The following EIF3B variants were observed in gnomAD, a reference collection of about 807,000 sequenced individuals.
EIF3B encodes the protein eukaryotic translation initiation factor 3 subunit 9.
Under a neutral mutation model 104.6 loss-of-function variants are expected in EIF3B, and 10 were observed. The ratio of observed to expected loss-of-function variants is 0.10; its 90% confidence interval spans 0.06 to 0.16. EIF3B has a LOEUF of 0.16. EIF3B is among the 10% of genes least tolerant of loss of function. The pLI, the probability that EIF3B is intolerant of heterozygous loss-of-function variation, is 1.00. For missense variants in EIF3B, 1,014 were observed against 1,087.9 expected (o/e 0.93, Z 0.96); for synonymous variants, 542 against 417.2 (o/e 1.30, Z -3.65).
At chr7:2,371,904 C>A in intron 11 of EIF3B, 55 bp downstream of exon 11, 1 of 1,434,838 alleles carries the variant, frequency 7.0e-7, no homozygotes, top group Non-Finnish European at 9.8e-7. Flanking sequence ...CTGTTTTACT[C>A]TTGGCTTTAA....
At chr7:2,370,121 G>T (rs534262604) in intron 10 of EIF3B, among the ~76,000 whole-genome samples, 4 of 152,114 alleles carry the variant, frequency 2.6e-5, no homozygotes, top group Non-Finnish European at 5.9e-5. Context: ...GTATACTCAA[G>T]ATTTATTTTT....
At chr7:2,371,980 A>T in intron 11 of EIF3B, 131 bp downstream of exon 11, 1 of 722,570 alleles carries the variant, frequency 1.4e-6, no homozygotes, top group Non-Finnish European at 2.5e-6. Flanking sequence ...ATGAATAGTC[A>T]TCTCCAGGTC....
intron 14 of EIF3B, among the ~76,000 whole-genome samples, chr7:2,375,812 C>T (rs1036526150): frequency 3.3e-5 from 5 of 152,278 alleles, no homozygotes; most frequent in African/African-American, 4.8e-5. Flanking sequence ...AGAGAGGAGT[C>T]GTTTCCTTTG....
At chr7:2,378,465 ATG>A (rs1780804127) in intron 15 of EIF3B, 3 of 215,164 alleles carry the variant, frequency 1.4e-5, no homozygotes, top group Non-Finnish European at 2.6e-5. Context: ...TGTTGTGTGA[ATG>A]ACCCTGGGTG....
rs762247415 is a variant in EIF3B at position 2,379,187 on chromosome 7, A to G, written c.2286A>G (p.Lys762=). Residue 762 remains lysine (K), a synonymous_variant, in exon 17 of 19, where the codon AAA becomes AAG. Coordinates refer to ENST00000360876, the MANE Select transcript of EIF3B (RefSeq NM_001037283.2). The stretch of plus-strand genomic sequence containing the variant: ...TGGAAGATTTCCGGAAGTACCGGAA[A>G]ATGGCCCAGGAGCTCTATATGGAGC... ...TMMEDFRKYR[K]MAQELYMEQK... is the part of the protein sequence containing the mutation. 1 of 1,613,970 alleles carries G rather than the reference A, an allele frequency of 6.2e-7. No homozygotes were observed. Among genetic ancestry groups the G allele is most frequent in the Non-Finnish European group, 8.5e-7 (1 of 1,179,966 alleles).
At chr7:2,377,214 G>A in intron 15 of EIF3B, 139 bp downstream of exon 15, 2 of 1,187,256 alleles carry the variant, frequency 1.7e-6, no homozygotes, top group Admixed American at 2.8e-5. Flanking sequence ...TTGAAGAGAC[G>A]CAGGAACAGT....
At chr7:2,362,524 G>A (rs1779785829) in intron 2 of EIF3B, 121 bp from the exon 3 acceptor site, 1 of 1,274,336 alleles carries the variant, frequency 7.8e-7, no homozygotes, top group African/African-American at 1.5e-5. Context: ...GCTCGAGGCA[G>A]GAAGAGCAGC....
rs761416819 is a variant in EIF3B, at chr7:2,380,437, A to G, written c.*248A>G. On this transcript the variant is annotated 3_prime_UTR_variant, in exon 19 of 19. Coordinates refer to ENST00000360876, the MANE Select transcript of EIF3B (RefSeq NM_001037283.2). ...CAGCCCCTGGTGTCTGCAGTGGGGGATTTAAGGCACCCGCTTCCACTTCTT... is the reference window on the plus strand; with the variant it reads ...CAGCCCCTGGTGTCTGCAGTGGGGGGTTTAAGGCACCCGCTTCCACTTCTT... 3.9e-6 allele frequency: 2 copies of G among 514,514 alleles called. No individual in the cohort carries two copies. Among genetic ancestry groups the G allele is most frequent in the Admixed American group, 2.0e-5 (1 of 50,370 alleles). The allele number at this position is 514,514 out of a possible 1,614,324, so 31.9% of individuals were successfully genotyped here. A position where few individuals can be genotyped will look rare whatever the true frequency, so the allele number is the denominator to read the frequency against.
In EIF3B at chr7:2,362,998, T is replaced by C. The variant is rs148466865; in HGVS notation, c.813-72T>C. 3.8e-3 allele frequency: 6,042 copies of C among 1,571,128 alleles called. 17 individuals are homozygous for C. The highest frequency in any genetic ancestry group is 5.0e-3 in the Non-Finnish European group (5,695 of 1,142,744). ...GGCAGGCAGGAGCACAGCAGGGCCA[T>C]GCTGGAGCCCCCACGAGTTGCTCTT... On this transcript the variant is annotated intron_variant, in intron 3 of 18. Transcript: ENST00000360876.
Position 2,379,483 on chromosome 7 carries a change from G to T in EIF3B, c.2431G>T (p.Gly811Trp). 3 of 1,574,706 alleles carry T rather than the reference G, an allele frequency of 1.9e-6. No individual in the cohort carries two copies. The South Asian group carries it at 3.5e-5, about 18-fold the overall frequency. The change falls in exon 18 of 19, where the codon GGG (glycine) becomes TGG (tryptophan). Residue 811 changes from glycine to tryptophan, a missense_variant. Physicochemically the swap from Gly to Trp is radical, Grantham distance 184 (BLOSUM62 -2). Around this residue, in one of 4 missense-constraint regions of EIF3B, gnomAD observed 266 missense variants for 324.0 expected, o/e 0.82. Transcript: ENST00000360876. ...FFVTEEIIPL[G>W]NQE ...CGTCACTGAAGAAATCATTCCCCTC[G>T]GGAATCAGGAGTGACCTGGAGCACT...
chr7:2,379,945 T>C (rs1780906815), intron 18 of EIF3B: 2 of 253,692 alleles, frequency 7.9e-6, no homozygotes, highest in Non-Finnish European at 1.6e-5. Context: ...GTGCGGGAGC[T>C]CCTGAGTCCT....
intron 4 of EIF3B, 87 bp downstream of exon 4, chr7:2,363,214 A>G: frequency 7.4e-7 from 1 of 1,349,642 alleles, no homozygotes; most frequent in South Asian, 1.2e-5. Context: ...GCACTTAGGG[A>G]GGCTGAGGTG....
chr7:2,355,121 G>C lies in EIF3B; in HGVS notation c.200G>C (p.Arg67Thr), dbSNP rs1437133073. 9.3e-6 allele frequency: 13 copies of C among 1,401,132 alleles called. No homozygotes were observed. In the African/African-American group the frequency reaches 1.2e-4, roughly 13 times the overall value. The allele number at this position is 1,401,132 out of a possible 1,614,324, so 86.8% of individuals were successfully genotyped here. ...IAEAGPESEV[R>T]TEPAAEAEAA... ...GAGGCCGGGCCGGAGTCCGAGGTGA[G>C]GACCGAGCCGGCGGCCGAGGCAGAG... The change falls in exon 1 of 19, where the codon AGG becomes ACG. Residue 67 changes from arginine (R) to threonine (T), a missense_variant. Arg to Thr is a moderately conservative substitution (Grantham distance 71). Transcript: ENST00000360876.
chr7:2,354,687 C>T (rs958161223), upstream of EIF3B, among the ~76,000 whole-genome samples: 8 of 152,190 alleles, frequency 5.3e-5, no homozygotes, highest in Non-Finnish European at 1.2e-4. Context: ...TAAGCACTTT[C>T]TTGTCACAAA....
chr7:2,379,229 G>A lies in EIF3B; in HGVS notation c.2328G>A (p.Leu776=). 1 of 1,612,026 alleles carries A rather than the reference G, an allele frequency of 6.2e-7. No homozygotes were observed. Among genetic ancestry groups the A allele is most frequent in the Non-Finnish European group, 8.5e-7 (1 of 1,179,012 alleles). The change falls in exon 17 of 19, where the codon CTG becomes CTA. Residue 776 remains leucine, a synonymous_variant. Coordinates refer to ENST00000360876, the MANE Select transcript of EIF3B (RefSeq NM_001037283.2). ...ELYMEQKNER[L]ELRGGVDTDE... ...ATATGGAGCAGAAAAACGAGCGCCT[G>A]GAGTTGCGAGGAGGTAACTTAGAGA...
At chr7:2,364,768 C>T (rs1173337167) in intron 6 of EIF3B, among the ~76,000 whole-genome samples, 1 of 152,202 alleles carries the variant, frequency 6.6e-6, no homozygotes, top group Admixed American at 6.6e-5. Flanking sequence ...GTCCCTTTAG[C>T]CCTGAATGTG....
rs1779296039 is a variant in EIF3B at position 2,354,862 on chromosome 7, G to A, written c.-60G>A. On this transcript the variant is annotated 5_prime_UTR_variant, in exon 1 of 19. Transcript: ENST00000360876. ...TGTAGCCGTCGCGGCGCGCGGTGCGGCCTGGGAGAGTCGGAAGCGCGGCGG... is the reference window on the plus strand; with the variant it reads ...TGTAGCCGTCGCGGCGCGCGGTGCGACCTGGGAGAGTCGGAAGCGCGGCGG... The A allele has an allele frequency of 7.3e-6, 8 of 1,100,214 alleles. No homozygotes were observed. In the South Asian group the frequency reaches 2.6e-4, roughly 36 times the overall value. The allele number at this position is 1,100,214 out of a possible 1,614,324, so 68.2% of individuals were successfully genotyped here. A position where few individuals can be genotyped will look rare whatever the true frequency, so the allele number is the denominator to read the frequency against.
Position 2,360,813 on chromosome 7 carries a change from G to A in EIF3B, c.603G>A (p.Glu201=). The A allele has an allele frequency of 6.2e-7, 1 of 1,613,902 alleles. No individual in the cohort carries two copies. Among genetic ancestry groups the A allele is most frequent in the Non-Finnish European group, 8.5e-7 (1 of 1,179,794 alleles). Residue 201 remains glutamate (E), a synonymous_variant, in exon 2 of 19, where the codon GAG becomes GAA. Transcript: ENST00000360876. The part of the protein sequence containing the change: ...NVPQVGPDRL[E]KLKNVIHKIF... Reference sequence around the variant, plus strand: ...CTCAGGTGGGACCCGACCGACTTGAGAAACTCAAAAATGTCATCCACAAGA... The same window carrying A: ...CTCAGGTGGGACCCGACCGACTTGAAAAACTCAAAAATGTCATCCACAAGA...
Position 2,380,309 on chromosome 7 carries a change from G to T in EIF3B, c.*120G>T, listed in dbSNP as rs111842567. The T allele has an allele frequency of 4.6e-5, 24 of 516,700 alleles. 1 individual carries two copies. Among genetic ancestry groups the T allele is most frequent in the African/African-American group, 2.1e-4 (11 of 52,064 alleles). The allele number at this position is 516,700 out of a possible 1,614,324, so 32.0% of individuals were successfully genotyped here. A position where few individuals can be genotyped will look rare whatever the true frequency, so the allele number is the denominator to read the frequency against. Reference sequence around the variant, plus strand: ...CCGTGTGTGCTGTGGAGCCGAGGCCGTCCTGCAGGAAGCCGCGTGACTCCC... The same window carrying T: ...CCGTGTGTGCTGTGGAGCCGAGGCCTTCCTGCAGGAAGCCGCGTGACTCCC... On this transcript the variant is annotated 3_prime_UTR_variant, in exon 19 of 19. Coordinates refer to ENST00000360876, the MANE Select transcript of EIF3B (RefSeq NM_001037283.2).
Sources: gnomAD v4.1 joint callset for allele counts (sites outside exome capture counted in the v4.1 genomes callset) on GRCh38, gnomAD v4.1.1 for gene constraint, gnomAD v4.1.1 regional missense constraint, MANE v1.5 for transcripts, NCBI Gene and HGNC (gene_info 2026-07-23, HGNC 2026-07-21) for gene names.